Variants in HS3ST4 observed in about 807,000 individuals in gnomAD.
The protein encoded by HS3ST4 is heparan sulfate-glucosamine 3-sulfotransferase 4.
HS3ST4 carries 17 observed loss-of-function variants against 29.2 expected under a neutral mutation model. The ratio of observed to expected loss-of-function variants is 0.58; its 90% CI spans 0.40 to 0.87. The LOEUF (loss-of-function observed/expected upper bound fraction) is 0.87, where lower values mean the gene tolerates loss of function less well. Among genes scored for constraint, HS3ST4 ranks in the 40% least tolerant of loss-of-function variants. HS3ST4 has a pLI of 0.00. For synonymous variants in HS3ST4, 314 were observed against 285.7 expected (o/e 1.10, Z -1.00); for missense variants, 627 against 634.5 (o/e 0.99, Z 0.13).
At chr16:25,704,046 C>G (rs1379437931) in intron 1 of HS3ST4, among the ~76,000 whole-genome samples, 1 of 152,156 alleles carries the variant, frequency 6.6e-6, no homozygotes, top group Non-Finnish European at 1.5e-5. Context: ...AGCCAGAGCC[C>G]AGAACAGTGC....
chr16:26,080,295 C>T (rs928591492), intron 1 of HS3ST4, among the ~76,000 whole-genome samples: 2 of 152,064 alleles, frequency 1.3e-5, no homozygotes, highest in Non-Finnish European at 2.9e-5. Flanking sequence ...TAAAATTAGT[C>T]CCTACCTTCA....
intron 1 of HS3ST4, among the ~76,000 whole-genome samples, chr16:25,906,682 C>A (rs533250978): frequency 2.3e-4 from 35 of 152,244 alleles, no homozygotes; most frequent in Non-Finnish European, 4.1e-4. Flanking sequence ...ATAGGACAGA[C>A]AGAACACACT....
intron 1 of HS3ST4, among the ~76,000 whole-genome samples, chr16:26,114,247 T>C: frequency 6.6e-6 from 1 of 152,164 alleles, no homozygotes; most frequent in Admixed American, 6.5e-5. Context: ...TAGCTAATAT[T>C]TATCCAGCCA....
intron 1 of HS3ST4, among the ~76,000 whole-genome samples, chr16:25,864,706 C>G (rs62036316): frequency 2.6e-5 from 4 of 152,076 alleles, no homozygotes; most frequent in African/African-American, 9.7e-5. Flanking sequence ...CATGTCATCT[C>G]AAGTAACAGA....
chr16:25,986,049 T>G (rs112498294), intron 1 of HS3ST4, among the ~76,000 whole-genome samples: 1,554 of 152,272 alleles, frequency 0.01, 14 homozygotes, highest in Non-Finnish European at 0.017. Context: ...CTTTTCTTTC[T>G]TTTTCATAAA....
At chr16:25,899,045 TC>T (rs2141672446) in intron 1 of HS3ST4, among the ~76,000 whole-genome samples, 1 of 152,358 alleles carries the variant, frequency 6.6e-6, no homozygotes, top group Admixed American at 6.5e-5. Context: ...AGTTACTTTT[TC>T]TACCAACTGC....
chr16:25,785,587 A>G (rs1028053585), intron 1 of HS3ST4, among the ~76,000 whole-genome samples: 4 of 152,338 alleles, frequency 2.6e-5, no homozygotes, highest in African/African-American at 7.2e-5. Context: ...GAAGATTGGC[A>G]TGATCTCAGC....
At chr16:26,001,330 A>G (rs1332839780) in intron 1 of HS3ST4, among the ~76,000 whole-genome samples, 1 of 152,208 alleles carries the variant, frequency 6.6e-6, no homozygotes, top group Non-Finnish European at 1.5e-5. Context: ...AAATGCATGC[A>G]TGTCTATGTG....
chr16:26,117,241 G>A (rs143526535), intron 1 of HS3ST4, among the ~76,000 whole-genome samples: 18 of 152,310 alleles, frequency 1.2e-4, no homozygotes, highest in East Asian at 7.7e-4. Context: ...TACAAGGATT[G>A]TTAGAGATAC....
chr16:25,777,924 C>T (rs1370264391), intron 1 of HS3ST4, among the ~76,000 whole-genome samples: 1 of 152,000 alleles, frequency 6.6e-6, no homozygotes, highest in Non-Finnish European at 1.5e-5. Context: ...AGTTTGTTTC[C>T]ATTTGCATAG....
chr16:25,703,398 A>G (rs1242138636), intron 1 of HS3ST4, among the ~76,000 whole-genome samples: 1 of 152,162 alleles, frequency 6.6e-6, no homozygotes, highest in Non-Finnish European at 1.5e-5. Flanking sequence ...GAATTCCTTT[A>G]GGCTTCACTG....
intron 1 of HS3ST4, among the ~76,000 whole-genome samples, chr16:25,798,154 G>T (rs142184134): frequency 6.6e-6 from 1 of 152,290 alleles, no homozygotes; most frequent in South Asian, 2.1e-4. Flanking sequence ...GATGCACTCA[G>T]GCCAACTTCT....
chr16:25,985,100 TACA>T (rs978044615), intron 1 of HS3ST4, among the ~76,000 whole-genome samples: 4 of 152,256 alleles, frequency 2.6e-5, no homozygotes, highest in Non-Finnish European at 5.9e-5. Flanking sequence ...TTACTAATTT[TACA>T]ACATTGGACA....
At chr16:26,092,548 A>G (rs1476495657) in intron 1 of HS3ST4, among the ~76,000 whole-genome samples, 2 of 152,202 alleles carry the variant, frequency 1.3e-5, no homozygotes, top group Non-Finnish European at 2.9e-5. Context: ...TTGGTACACC[A>G]TAGGTGCTTA....
At chr16:26,073,887 TCGG>T (rs1898629887) in intron 1 of HS3ST4, among the ~76,000 whole-genome samples, 1 of 152,176 alleles carries the variant, frequency 6.6e-6, no homozygotes, top group Non-Finnish European at 1.5e-5. Flanking sequence ...TCTCTACCTC[TCGG>T]GTTACCACAG....
Position 25,935,827 on chromosome 16 carries a change from C to T in HS3ST4, c.735-199785C>T, listed in dbSNP as rs148414223. ...CTTTTTAAAAAGATAGACATTGAGA[C>T]ATTTATGTGAAATCTCCCACGTTAA... On this transcript the variant is annotated intron_variant, in intron 1 of 1. Transcript: ENST00000331351. Among the ~76,000 whole-genome samples, 400 of 152,092 alleles carry T rather than the reference C, an allele frequency of 2.6e-3. 1 individual carries two copies. The highest frequency in any genetic ancestry group is 9.4e-3 in the African/African-American group (388 of 41,494).
At chr16:25,942,879 C>T (rs1356426743) in intron 1 of HS3ST4, among the ~76,000 whole-genome samples, 4 of 152,178 alleles carry the variant, frequency 2.6e-5, no homozygotes, top group Non-Finnish European at 5.9e-5. Context: ...ACTTCAGCCT[C>T]TCAAAGTTCT....
Position 25,692,737 on chromosome 16 carries a change from G to A in HS3ST4, c.320G>A (p.Ser107Asn), listed in dbSNP as rs930535665. The A allele has an allele frequency of 7.6e-5, 98 of 1,282,408 alleles. No homozygotes were observed. The African/African-American group carries it at 1.4e-3, about 18-fold the overall frequency. 79.4% of individuals were successfully genotyped at this position (1,282,408 alleles called of 1,614,324 possible). Residue 107 changes from serine to asparagine, a missense_variant, in exon 1 of 2, where the codon AGC (serine) becomes AAC (asparagine). This residue lies in a region of HS3ST4 where 402 missense variants were observed against 340.8 expected (regional missense o/e 1.18). Coordinates refer to ENST00000331351, the MANE Select transcript of HS3ST4 (RefSeq NM_006040.3). The stretch of plus-strand genomic sequence containing the variant: ...GCGCCGCCGCCGCTGGACAACGCGA[G>A]CCACGGGGAGCCGCCCGAGCCCCCA... Reference protein sequence around the residue: ...PPAPPPLDNASHGEPPEPPEQ... With the variant: ...PPAPPPLDNANHGEPPEPPEQ...
intron 1 of HS3ST4, among the ~76,000 whole-genome samples, chr16:26,060,596 T>C (rs1337492222): frequency 6.6e-6 from 1 of 152,200 alleles, no homozygotes; most frequent in Non-Finnish European, 1.5e-5. Context: ...TGACAGGGAC[T>C]GGGACTGTTT....
Sources: allele counts gnomAD v4.1 joint callset (sites outside exome capture counted in the v4.1 genomes callset), GRCh38; gene constraint gnomAD v4.1.1; regional missense constraint gnomAD v4.1.1; transcripts MANE v1.5; gene names NCBI Gene and HGNC (gene_info 2026-07-23, HGNC 2026-07-21).